GOT1L1: variants seen among roughly 807,000 people sequenced by gnomAD.
The protein encoded by GOT1L1 is glutamic-oxaloacetic transaminase 1 like 1, also known as aspartate aminotransferase, cytoplasmic 2.
GOT1L1 carries 38 observed loss-of-function variants against 43.6 expected under a neutral mutation model. The ratio of observed to expected loss-of-function variants is 0.87; its 90% CI spans 0.67 to 1.14. GOT1L1 has a LOEUF of 1.14. GOT1L1 is among the 50% of genes most tolerant of loss of function. GOT1L1 has a pLI of 0.00. For synonymous variants in GOT1L1, 183 were observed against 187.2 expected (o/e 0.98, Z 0.18); for missense variants, 482 against 504.0 (o/e 0.96, Z 0.42).
chr8:37,935,963 G>A (rs1403766624), intron 6 of GOT1L1, 94 bp from the exon 7 acceptor site: 2 of 1,430,160 alleles, frequency 1.4e-6, no homozygotes, highest in Non-Finnish European at 9.5e-7. Flanking sequence ...CAGAAGAAAG[G>A]GTTGAACCAC....
rs1053728766 is a variant in GOT1L1, at chr8:37,938,605, G to C, written c.297+95C>G. 6 of 1,091,566 alleles carry C rather than the reference G, an allele frequency of 5.5e-6. No individual in the cohort carries two copies. In the African/African-American group the frequency reaches 8.0e-5, roughly 15 times the overall value. 67.6% of individuals were successfully genotyped at this position (1,091,566 alleles called of 1,614,324 possible). On this transcript the variant is annotated intron_variant, in intron 2 of 8. Coordinates refer to ENST00000307599, the MANE Select transcript of GOT1L1 (RefSeq NM_152413.3). ...AGGTATCTCTTTTATCAATACCAGG[G>C]GGCCCTCCGAGGTCCCCTTCGGGTT...
Position 37,938,790 on chromosome 8 carries a change from C to G in GOT1L1, c.207G>C (p.Glu69Asp). The G allele has an allele frequency of 6.2e-7, 1 of 1,613,454 alleles. No homozygotes were observed. Among genetic ancestry groups the G allele is most frequent in the Non-Finnish European group, 8.5e-7 (1 of 1,179,676 alleles). ...QISQDPSLNY[E>D]YLPTMGLKSF... Reference sequence around the variant, plus strand: ...ATTTCAGGCCCATGGTGGGCAAGTACTCATAATTCAGGGAGGGATCCTGTG... The same window carrying G: ...ATTTCAGGCCCATGGTGGGCAAGTAGTCATAATTCAGGGAGGGATCCTGTG... The change falls in exon 2 of 9, where the codon GAG (glutamate) becomes GAC (aspartate). Residue 69 changes from glutamate (E) to aspartate (D), a missense_variant. Coordinates refer to ENST00000307599, the MANE Select transcript of GOT1L1 (RefSeq NM_152413.3).
chr8:37,935,307 G>T (rs746716264), intron 7 of GOT1L1, 92 bp from the exon 8 acceptor site: 3 of 1,270,046 alleles, frequency 2.4e-6, no homozygotes, highest in East Asian at 5.1e-5. Context: ...TACCTTCAAA[G>T]GTCTCCAACA....
chr8:37,939,432 ATATATAT>A (rs1189216424), intron 1 of GOT1L1, among the ~76,000 whole-genome samples: 69 of 65,474 alleles, frequency 1.1e-3, no homozygotes, highest in African/African-American at 3.6e-3. Flanking sequence ...AAAAAAAAAA[ATATATAT>A]ATATATATAT....
chr8:37,935,048 G>T, intron 8 of GOT1L1, 25 bp downstream of exon 8: 1 of 1,612,814 alleles, frequency 6.2e-7, no homozygotes, highest in Non-Finnish European at 8.5e-7. Context: ...CAGAAAGGGG[G>T]GACACCAGCC....
chr8:37,937,406 C>G lies in GOT1L1; in HGVS notation c.410-20G>C, dbSNP rs756982078. The G allele has an allele frequency of 6.1e-6, 9 of 1,487,158 alleles. No homozygotes were observed. The African/African-American group carries it at 8.3e-5, about 14-fold the overall frequency. The allele number at this position is 1,487,158 out of a possible 1,614,324, so 92.1% of individuals were successfully genotyped here. ...GCAGTTCTGTGGGAACACAGCCCCC[C>G]ACTAGCTGGTACATGGGAAACAGAG... On this transcript the variant is annotated intron_variant, in intron 3 of 8. Transcript: ENST00000307599.
At chr8:37,936,918 G>C (rs768281874) in intron 5 of GOT1L1, 47 bp downstream of exon 5, 3 of 1,611,032 alleles carry the variant, frequency 1.9e-6, no homozygotes, top group Non-Finnish European at 2.5e-6. Context: ...ATGGAGGAGA[G>C]AGCAGAGAGT....
Position 37,938,839 on chromosome 8 carries a change from A to G in GOT1L1, c.158T>C (p.Val53Ala), listed in dbSNP as rs1290141757. Residue 53 changes from valine to alanine, a missense_variant, in exon 2 of 9, where the codon GTG (valine) becomes GCG (alanine). Coordinates refer to ENST00000307599, the MANE Select transcript of GOT1L1 (RefSeq NM_152413.3). Reference sequence around the variant, plus strand: ...TGAAATCTGTAGTCGAGTCTTCTGCACCACGAGAGAAACCCAGGGATGGCC... The same window carrying G: ...TGAAATCTGTAGTCGAGTCTTCTGCGCCACGAGAGAAACCCAGGGATGGCC... Reference protein sequence around the residue: ...NEGHPWVSLVVQKTRLQISQD... With the variant: ...NEGHPWVSLVAQKTRLQISQD... 1 of 1,613,870 alleles carries G rather than the reference A, an allele frequency of 6.2e-7. No homozygotes were observed. Among genetic ancestry groups the G allele is most frequent in the East Asian group, 2.2e-5 (1 of 44,878 alleles).
chr8:37,939,418 A>AT (rs1327310825), intron 1 of GOT1L1, among the ~76,000 whole-genome samples: 1 of 45,762 alleles, frequency 2.2e-5, no homozygotes, highest in South Asian at 1.1e-3. Context: ...TGTCTCAAGA[A>AT]AAAAAAAAAA....
rs1420067511 is a variant in GOT1L1 at position 37,939,981 on chromosome 8, C to T, written c.49G>A (p.Glu17Lys). ...FMDVPLAHKL[E>K]GSLLKTYKQD... ...TTGTAGGTCTTTAACAAGCTGCCCT[C>T]TAGCTTGTGGGCGAGGGGCACATCC... is the stretch of plus-strand genomic sequence containing the variant. Residue 17 changes from glutamate to lysine, a missense_variant, in exon 1 of 9, where the codon GAG becomes AAG. Glu to Lys is a moderately conservative substitution (Grantham distance 56, BLOSUM62 1). Coordinates refer to ENST00000307599, the MANE Select transcript of GOT1L1 (RefSeq NM_152413.3). 6 of 1,613,610 alleles carry T rather than the reference C, an allele frequency of 3.7e-6. No individual in the cohort carries two copies. In the East Asian group the frequency reaches 1.3e-4, roughly 36 times the overall value.
At chr8:37,934,992 G>T (rs1179404582) in intron 8 of GOT1L1, 81 bp downstream of exon 8, 29 of 1,465,296 alleles carry the variant, frequency 2.0e-5, no homozygotes, top group Non-Finnish European at 2.7e-5. Context: ...GCTAGGAACT[G>T]GTCACCTAGT....
intron 6 of GOT1L1, among the ~76,000 whole-genome samples, chr8:37,936,505 G>A (rs1329641402): frequency 6.6e-6 from 1 of 151,930 alleles, no homozygotes. Context: ...GAGGCCTGAG[G>A]GGGTGAAATG....
At chr8:37,934,593 G>T (rs530708882) in intron 8 of GOT1L1, 107 bp from the exon 9 acceptor site, 2 of 862,360 alleles carry the variant, frequency 2.3e-6, no homozygotes, top group Admixed American at 4.4e-5. Flanking sequence ...TGATTGAGAT[G>T]GAGTTTTGCT....
Position 37,939,908 on chromosome 8 carries a change from C to T in GOT1L1, c.115+7G>A, listed in dbSNP as rs1468205182. 9.3e-6 allele frequency: 15 copies of T among 1,611,584 alleles called. No homozygotes were observed. Among genetic ancestry groups the T allele is most frequent in the Non-Finnish European group, 1.2e-5 (14 of 1,178,510 alleles). ...AGTCTTATACTTCAGAACTGCTAGG[C>T]ATCTACCTCTATAGGCTAAGAATAT... On this transcript the variant is annotated splice_region_variant and intron_variant, in intron 1 of 8. Transcript: ENST00000307599.
intron 1 of GOT1L1, among the ~76,000 whole-genome samples, chr8:37,939,432 ATATAT>A (rs1384545390): frequency 9.8e-4 from 64 of 65,466 alleles, no homozygotes; most frequent in Middle Eastern, 9.6e-3. Context: ...AAAAAAAAAA[ATATAT>A]ATATATATAT....
rs1457730137 is a variant in GOT1L1, at chr8:37,938,842, A to T, written c.155T>A (p.Val52Glu). The T allele has an allele frequency of 6.2e-7, 1 of 1,613,722 alleles. No individual in the cohort carries two copies. The highest frequency in any genetic ancestry group is 2.2e-5 in the East Asian group (1 of 44,880). The change falls in exon 2 of 9, where the codon GTG becomes GAG. Residue 52 changes from valine (V) to glutamate (E), a missense_variant. Physicochemically the swap from Val to Glu is moderately radical, Grantham distance 121. Transcript: ENST00000307599. ...AATCTGTAGTCGAGTCTTCTGCACC[A>T]CGAGAGAAACCCAGGGATGGCCTTC... ...TNEGHPWVSL[V>E]VQKTRLQISQ...
Position 37,934,355 on chromosome 8 carries a change from T to G in GOT1L1, c.1204A>C (p.Thr402Pro). The change falls in exon 9 of 9, where the codon ACA (threonine) becomes CCA (proline). Residue 402 changes from threonine (T) to proline (P), a missense_variant. Coordinates refer to ENST00000307599, the MANE Select transcript of GOT1L1 (RefSeq NM_152413.3). ...GGAAGACACATCTCTGAGCTCTCTG[T>G]GAGGAGGACAGCCTCATTGATGCCC... ...TEGINEAVLL[T>P]ESSEMCLPKE... 1 of 1,613,844 alleles carries G rather than the reference T, an allele frequency of 6.2e-7. No individual in the cohort carries two copies. The highest frequency in any genetic ancestry group is 1.6e-4 in the Middle Eastern group (1 of 6,062).
intron 2 of GOT1L1, 86 bp from the exon 3 acceptor site, chr8:37,937,835 A>G: frequency 2.3e-6 from 2 of 855,704 alleles, no homozygotes; most frequent in Admixed American, 4.2e-5. Flanking sequence ...GGGTGGGTGG[A>G]TCACTCGAGG....
At chr8:37,935,656 G>A (rs758124342) in intron 7 of GOT1L1, 48 bp downstream of exon 7, 2 of 1,478,330 alleles carry the variant, frequency 1.4e-6, no homozygotes, top group Non-Finnish European at 9.0e-7. Flanking sequence ...AGGTCTGCAG[G>A]CACCCAGGGC....
Sources: gnomAD v4.1 joint callset for allele counts (sites outside exome capture counted in the v4.1 genomes callset) on GRCh38, gnomAD v4.1.1 for gene constraint, MANE v1.5 for transcripts, NCBI Gene and HGNC (gene_info 2026-07-23, HGNC 2026-07-21) for gene names.